Variants in CAPN5 observed in about 807,000 individuals in gnomAD.
CAPN5 encodes calpain 5, also known as calpain-5.
In CAPN5, 54 loss-of-function variants were observed where a neutral mutation model predicts 73.0. The ratio of observed to expected loss-of-function variants is 0.74; its 90% CI spans 0.59 to 0.93. The LOEUF (loss-of-function observed/expected upper bound fraction) is 0.93, where lower values mean the gene tolerates loss of function less well. Ranked by LOEUF, CAPN5 falls within the 40% of genes least tolerant of loss-of-function variation. The pLI, the probability that CAPN5 is intolerant of heterozygous loss-of-function variation, is 0.00. For synonymous variants in CAPN5, 335 were observed against 356.9 expected, an observed-to-expected ratio of 0.94 and a Z score of 0.69; for missense variants, 785 against 882.9, an observed-to-expected ratio of 0.89 and a Z score of 1.41.
At chr11:77,118,987 G>T in intron 8 of CAPN5, 43 bp from the exon 9 acceptor site, 1 of 1,579,694 alleles carries the variant, frequency 6.3e-7, no homozygotes, top group Non-Finnish European at 8.6e-7. Context: ...GCCTGGTGTG[G>T]TCTCATTGCA....
chr11:77,102,290 G>A (rs1466359188), intron 3 of CAPN5, among the ~76,000 whole-genome samples: 1 of 152,192 alleles, frequency 6.6e-6, no homozygotes, highest in Non-Finnish European at 1.5e-5. Context: ...TTTGGTGATT[G>A]GGTGTGGAGG....
chr11:77,088,195 T>C, intron 2 of CAPN5: 1 of 1,075,362 alleles, frequency 9.3e-7, no homozygotes. Context: ...GGAGGGGGAC[T>C]AATGAACAGA....
At chr11:77,122,945 C>T (rs191214352) in intron 12 of CAPN5, among the ~76,000 whole-genome samples, 33 of 152,350 alleles carry the variant, frequency 2.2e-4, no homozygotes, top group African/African-American at 7.0e-4. Flanking sequence ...CCAGCAGGGT[C>T]CATCTCCTGG....
At chr11:77,104,616 A>AGG (rs1555039576) in intron 3 of CAPN5, among the ~76,000 whole-genome samples, 1 of 152,246 alleles carries the variant, frequency 6.6e-6, no homozygotes, top group African/African-American at 2.4e-5. Flanking sequence ...GCGCAGTCCC[A>AGG]GAGAGCCCCC....
chr11:77,101,732 C>T (rs1312021348), intron 3 of CAPN5, among the ~76,000 whole-genome samples: 3 of 152,262 alleles, frequency 2.0e-5, no homozygotes, highest in Admixed American at 6.5e-5. Flanking sequence ...GTTGTGGCGA[C>T]GGCCGCTCCC....
chr11:77,109,155 C>T (rs1428618371), intron 3 of CAPN5, among the ~76,000 whole-genome samples: 2 of 152,190 alleles, frequency 1.3e-5, no homozygotes, highest in African/African-American at 4.8e-5. Flanking sequence ...CACATCATGG[C>T]TAGTTATCTT....
At position 77,093,784 on chromosome 11, in the gene CAPN5, C is replaced by G. The variant is rs782154102; in HGVS notation, c.268C>G (p.Leu90Val). 3 of 1,611,876 alleles carry G rather than the reference C, an allele frequency of 1.9e-6. No individual in the cohort carries two copies. In the South Asian group the frequency reaches 3.3e-5, roughly 18 times the overall value. The change falls in exon 3 of 13, where the codon CTT becomes GTT. Residue 90 changes from leucine to valine, a missense_variant. Physicochemically the swap from Leu to Val is conservative, Grantham distance 32. Transcript: ENST00000648180. The stretch of plus-strand genomic sequence containing the variant: ...CTGGTTTGTGGCAGCCTGCTCGTCA[C>G]TTGCCTCCCGGGAGTCGCTGTGGCA... ...NCWFVAACSS[L>V]ASRESLWQKV... is the part of the protein sequence containing the mutation.
At chr11:77,083,480 G>A (rs901400728) in intron 1 of CAPN5, among the ~76,000 whole-genome samples, 9 of 152,184 alleles carry the variant, frequency 5.9e-5, no homozygotes, top group African/African-American at 1.4e-4. Flanking sequence ...GTTCCCGTCC[G>A]GACACCAGGT....
intron 2 of CAPN5, among the ~76,000 whole-genome samples, chr11:77,091,765 CAG>C: frequency 6.6e-6 from 1 of 152,180 alleles, no homozygotes; most frequent in African/African-American, 2.4e-5. Flanking sequence ...TGAGGGAACA[CAG>C]GGTGAGCTGA....
chr11:77,115,408 C>G lies in CAPN5; in HGVS notation c.713C>G (p.Ala238Gly), dbSNP rs781974999. The change falls in exon 6 of 13, where the codon GCT (alanine) becomes GGT (glycine). Residue 238 changes from alanine (A) to glycine (G), a missense_variant. Transcript: ENST00000648180. ...GTCCCTCCACAGGCAGTGACAGCAG[C>G]TGACATGGAGGCCCGCCTGGCGTGC... ...ISASIKAVTA[A>G]DMEARLACGL... 4.4e-6 allele frequency: 7 copies of G among 1,602,740 alleles called. No individual in the cohort carries two copies. In the African/African-American group the frequency reaches 5.3e-5, roughly 12 times the overall value.
At position 77,087,454 on chromosome 11, in the gene CAPN5, C is replaced by G. The variant is rs146990844; in HGVS notation, c.165+2403C>G. On this transcript the variant is annotated intron_variant, in intron 2 of 12. Transcript: ENST00000648180. Reference sequence around the variant, plus strand: ...CCGTCCATCCCCTCCAGCTCCTTCTCTGAGTTGGTCCTTATAGTGGCTGCT... The same window carrying G: ...CCGTCCATCCCCTCCAGCTCCTTCTGTGAGTTGGTCCTTATAGTGGCTGCT... 2.6e-3 allele frequency among the ~76,000 whole-genome samples: 402 copies of G among 152,324 alleles called. 1 individual carries two copies. Among genetic ancestry groups the G allele is most frequent in the African/African-American group, 8.9e-3 (369 of 41,580 alleles).
chr11:77,103,813 C>T (rs1434686828), intron 3 of CAPN5, among the ~76,000 whole-genome samples: 1 of 152,236 alleles, frequency 6.6e-6, no homozygotes, highest in Non-Finnish European at 1.5e-5. Flanking sequence ...GTGCCCTTTG[C>T]CGGAGCCTGT....
chr11:77,122,760 C>T, intron 12 of CAPN5, 48 bp downstream of exon 12: 1 of 1,606,608 alleles, frequency 6.2e-7, no homozygotes, highest in Non-Finnish European at 8.5e-7. Context: ...TAGCCTGAGG[C>T]TTCCCCACTC....
rs551861889 is a variant in CAPN5 at position 77,093,833 on chromosome 11, G to A, written c.297+20G>A. The A allele has an allele frequency of 1.2e-6, 2 of 1,606,476 alleles. No individual in the cohort carries two copies. The highest frequency in any genetic ancestry group is 8.5e-7 in the Non-Finnish European group (1 of 1,179,828). ...CAAAAGGTGAGGCCTCGGGCAGAGT[G>A]GGCAGGGTGCTGGGGAGTGTGAACG... is the stretch of plus-strand genomic sequence containing the variant. On this transcript the variant is annotated intron_variant, in intron 3 of 12. Coordinates refer to ENST00000648180, the MANE Select transcript of CAPN5 (RefSeq NM_004055.5).
At chr11:77,071,347 C>T (rs1555033036) in intron 1 of CAPN5, among the ~76,000 whole-genome samples, 2 of 152,212 alleles carry the variant, frequency 1.3e-5, no homozygotes, top group African/African-American at 4.8e-5. Context: ...CATGGGTGGT[C>T]CCCAATGTCT....
chr11:77,105,758 T>C (rs1950339782), intron 3 of CAPN5, among the ~76,000 whole-genome samples: 1 of 152,194 alleles, frequency 6.6e-6, no homozygotes, highest in Non-Finnish European at 1.5e-5. Flanking sequence ...TGGGCTAGAC[T>C]GACATGGGCA....
intron 2 of CAPN5, among the ~76,000 whole-genome samples, chr11:77,088,459 T>C (rs1555035969): frequency 6.6e-6 from 1 of 151,690 alleles, no homozygotes; most frequent in East Asian, 1.9e-4. Context: ...TTCAGTGGGG[T>C]CAGGGAGAGC....
chr11:77,119,165 G>A lies in CAPN5; in HGVS notation c.1290+13G>A, dbSNP rs370253330. 1.9e-5 allele frequency: 31 copies of A among 1,602,532 alleles called. No individual in the cohort carries two copies. Among genetic ancestry groups the A allele is most frequent in the East Asian group, 1.1e-4 (5 of 44,276 alleles). On this transcript the variant is annotated intron_variant, in intron 9 of 12. Coordinates refer to ENST00000648180, the MANE Select transcript of CAPN5 (RefSeq NM_004055.5). ...TGACATCTACAAGGTGAGGCCAGCC[G>A]GGTCCCCTGCCGTGGGTGGGGAGAG...
Position 77,121,981 on chromosome 11 carries a change from G to A in CAPN5, c.1535G>A (p.Cys512Tyr), listed in dbSNP as rs782163585. Reference sequence around the variant, plus strand: ...CCACACACCTGCTGGAGCTCCCTCTGTGGCTACCCCCAGCTGGTGACCCAG... The same window carrying A: ...CCACACACCTGCTGGAGCTCCCTCTATGGCTACCCCCAGCTGGTGACCCAG... ...EPPHTCWSSL[C>Y]GYPQLVTQVH... Residue 512 changes from cysteine to tyrosine, a missense_variant, in exon 11 of 13, where the codon TGT (cysteine) becomes TAT (tyrosine). Coordinates refer to ENST00000648180, the MANE Select transcript of CAPN5 (RefSeq NM_004055.5). The A allele has an allele frequency of 1.3e-6, 2 of 1,563,660 alleles. No homozygotes were observed. The highest frequency in any genetic ancestry group is 1.7e-6 in the Non-Finnish European group (2 of 1,153,596).
Sources: allele counts gnomAD v4.1 joint callset (sites outside exome capture counted in the v4.1 genomes callset), GRCh38; gene constraint gnomAD v4.1.1; transcripts MANE v1.5; gene names NCBI Gene and HGNC (gene_info 2026-07-23, HGNC 2026-07-21).